Variants in RAD51B observed in about 807,000 individuals in gnomAD.
The protein encoded by RAD51B is DNA repair protein RAD51 homolog 2.
A neutral mutation model predicts 42.2 loss-of-function variants in RAD51B; 38 were observed. The ratio of observed to expected loss-of-function variants is 0.90; its 90% confidence interval spans 0.70 to 1.18. The LOEUF (loss-of-function observed/expected upper bound fraction) is 1.18, where lower values mean the gene tolerates loss of function less well. Ranked by LOEUF, RAD51B falls within the 50% of genes most tolerant of loss-of-function variation. The pLI, the probability that RAD51B is intolerant of heterozygous loss-of-function variation, is 0.00. For missense variants in RAD51B, 373 were observed against 400.7 expected, an observed-to-expected ratio of 0.93 and a Z score of 0.59; for synonymous variants, 154 against 145.2, an observed-to-expected ratio of 1.06 and a Z score of -0.43.
At chr14:68,235,520 C>T (rs1339495202) in intron 7 of RAD51B, among the ~76,000 whole-genome samples, 7 of 150,864 alleles carry the variant, frequency 4.6e-5, no homozygotes, top group African/African-American at 1.2e-4. Context: ...CCGGCTAAAA[C>T]GGTGAAACCC....
intron 10 of RAD51B, among the ~76,000 whole-genome samples, chr14:68,592,112 AG>A (rs1566948055): frequency 1.3e-5 from 2 of 151,998 alleles, no homozygotes; most frequent in South Asian, 2.1e-4. Flanking sequence ...CAGTATTAGG[AG>A]GGGGGGAATT....
chr14:68,356,777 C>G (rs1291309124), intron 8 of RAD51B, among the ~76,000 whole-genome samples: 3 of 151,452 alleles, frequency 2.0e-5, no homozygotes, highest in South Asian at 2.1e-4. Flanking sequence ...GTCAGGAGAT[C>G]GAGACCATCC....
intron 7 of RAD51B, among the ~76,000 whole-genome samples, chr14:67,987,418 A>G (rs2075214036): frequency 6.6e-6 from 1 of 152,160 alleles, no homozygotes; most frequent in South Asian, 2.1e-4. Flanking sequence ...TTTAATGGTT[A>G]GTACAAGTAA....
intron 7 of RAD51B, among the ~76,000 whole-genome samples, chr14:68,185,172 A>G (rs1312655929): frequency 6.6e-6 from 1 of 152,212 alleles, no homozygotes; most frequent in Non-Finnish European, 1.5e-5. Flanking sequence ...AAGGATAGGG[A>G]TGATTTTCAG....
At chr14:68,529,775 TTTG>T (rs1441660890) in intron 10 of RAD51B, among the ~76,000 whole-genome samples, 1 of 152,214 alleles carries the variant, frequency 6.6e-6, no homozygotes, top group Non-Finnish European at 1.5e-5. Flanking sequence ...AAAATCAACA[TTTG>T]TTATCTAATC....
intron 7 of RAD51B, among the ~76,000 whole-genome samples, chr14:67,898,146 C>T (rs1282970279): frequency 6.6e-6 from 1 of 152,018 alleles, no homozygotes; most frequent in Non-Finnish European, 1.5e-5. Context: ...AGGATTATTC[C>T]CAATAGCTAA....
intron 7 of RAD51B, among the ~76,000 whole-genome samples, chr14:67,945,659 T>C (rs1360575855): frequency 6.6e-6 from 1 of 151,752 alleles, no homozygotes; most frequent in African/African-American, 2.4e-5. Flanking sequence ...TTAGTAGAGA[T>C]GGGGTTTCGT....
chr14:67,858,712 C>A (rs867442977), intron 4 of RAD51B, among the ~76,000 whole-genome samples: 1 of 152,346 alleles, frequency 6.6e-6, no homozygotes, highest in East Asian at 1.9e-4. Context: ...TATAGCTTGG[C>A]TTTCAGGCTT....
chr14:67,945,527 G>A (rs762670238), intron 7 of RAD51B, among the ~76,000 whole-genome samples: 5 of 152,090 alleles, frequency 3.3e-5, no homozygotes, highest in South Asian at 2.1e-4. Context: ...TTGCTTTGTC[G>A]CCCAGACTGG....
Position 68,302,556 on chromosome 14 carries a change from A to G in RAD51B, c.853+10576A>G, listed in dbSNP as rs147865271. Among the ~76,000 whole-genome samples, 892 of 152,182 alleles carry G rather than the reference A, an allele frequency of 5.9e-3. 17 individuals are homozygous for G. Among genetic ancestry groups the G allele is most frequent in the African/African-American group, 0.021 (858 of 41,520 alleles). ...GGAGACCCTAACCCAGTGGCGCTAG[A>G]GGAATTAAAGACTCACACAGAAATA... On this transcript the variant is annotated intron_variant, in intron 8 of 10. Coordinates refer to ENST00000471583, the MANE Select transcript of RAD51B (RefSeq NM_133510.4).
At chr14:68,600,685 CT>C (rs138380330), downstream of RAD51B, among the ~76,000 whole-genome samples, 1,226 of 152,284 alleles carry the variant, frequency 8.1e-3, 48 homozygotes, top group East Asian at 0.054. Context: ...AACTGATACC[CT>C]TTAATCATGC....
intron 7 of RAD51B, among the ~76,000 whole-genome samples, chr14:68,240,959 CAAAGCAAT>C (rs1269741381): frequency 6.6e-6 from 1 of 152,178 alleles, no homozygotes; most frequent in Admixed American, 6.5e-5. Flanking sequence ...GTCTGCAAAG[CAAAGCAAT>C]TCTAGTGAGC....
intron 7 of RAD51B, among the ~76,000 whole-genome samples, chr14:67,909,987 A>G (rs1037087433): frequency 6.6e-6 from 1 of 152,246 alleles, no homozygotes; most frequent in African/African-American, 2.4e-5. Flanking sequence ...CCTCAGTTGC[A>G]TAATGTTTTC....
chr14:68,075,884 A>C (rs1226804245), intron 7 of RAD51B, among the ~76,000 whole-genome samples: 1 of 152,234 alleles, frequency 6.6e-6, no homozygotes, highest in African/African-American at 2.4e-5. Context: ...TAGAGCAATA[A>C]GGGCAGTCCT....
intron 7 of RAD51B, among the ~76,000 whole-genome samples, chr14:68,181,546 G>A (rs977707525): frequency 2.0e-5 from 3 of 152,302 alleles, no homozygotes; most frequent in African/African-American, 4.8e-5. Context: ...TGTTAAAGCC[G>A]GACTTGTTCC....
intron 8 of RAD51B, among the ~76,000 whole-genome samples, chr14:68,393,354 T>C (rs1456822998): frequency 6.6e-6 from 1 of 152,204 alleles, no homozygotes; most frequent in Non-Finnish European, 1.5e-5. Context: ...CATTCTTCTA[T>C]GTCGGATTCA....
At chr14:67,888,995 G>A (rs748757520) in intron 7 of RAD51B, among the ~76,000 whole-genome samples, 2 of 152,056 alleles carry the variant, frequency 1.3e-5, no homozygotes, top group African/African-American at 4.8e-5. Context: ...AGTAACTGTA[G>A]GCTAATGCTT....
chr14:68,453,181 A>T (rs1194074046), intron 9 of RAD51B, among the ~76,000 whole-genome samples: 1 of 152,226 alleles, frequency 6.6e-6, no homozygotes, highest in African/African-American at 2.4e-5. Context: ...TTTAATGTGG[A>T]GGTTTGACCA....
intron 7 of RAD51B, among the ~76,000 whole-genome samples, chr14:68,241,410 C>T (rs1391385603): frequency 1.3e-5 from 2 of 152,064 alleles, no homozygotes; most frequent in East Asian, 1.9e-4. Context: ...GGTATGGTGG[C>T]GGGCGCCTGT....
Sources: allele counts gnomAD v4.1 joint callset (sites outside exome capture counted in the v4.1 genomes callset), GRCh38; gene constraint gnomAD v4.1.1; transcripts MANE v1.5; gene names NCBI Gene and HGNC (gene_info 2026-07-23, HGNC 2026-07-21).